Variants in CFAP46 observed in about 807,000 individuals in gnomAD.
CFAP46 encodes cilia and flagella associated protein 46, also known as cilia- and flagella-associated protein 46.
In CFAP46, 245 loss-of-function variants were observed where a neutral mutation model predicts 325.7. The ratio of observed to expected loss-of-function variants is 0.75; its 90% CI spans 0.68 to 0.84. The LOEUF is 0.84. CFAP46 is among the 40% of genes least tolerant of loss of function. The pLI is 0.00. For synonymous variants in CFAP46, 1,523 were observed against 1,495.9 expected (o/e 1.02, Z -0.42); for missense variants, 3,346 against 3,543.0 (o/e 0.94, Z 1.41).
At chr10:132,923,195 A>T (rs1412646377) in intron 11 of CFAP46, among the ~76,000 whole-genome samples, 2 of 150,678 alleles carry the variant, frequency 1.3e-5, no homozygotes, top group African/African-American at 4.9e-5. Context: ...CCTGGCCTCA[A>T]GCAGCCATGT....
At chr10:132,933,347 T>A in intron 8 of CFAP46, among the ~76,000 whole-genome samples, 1 of 152,176 alleles carries the variant, frequency 6.6e-6, no homozygotes, top group East Asian at 1.9e-4. Context: ...TAAAAGTGCC[T>A]GAGAATGCCG....
chr10:132,942,373 G>T, intron 1 of CFAP46, 63 bp downstream of exon 1: 1 of 1,341,534 alleles, frequency 7.5e-7, no homozygotes, highest in Non-Finnish European at 9.6e-7. Context: ...CCTCCCCGGG[G>T]CGGGGGTCGT....
intron 39 of CFAP46, among the ~76,000 whole-genome samples, chr10:132,853,688 T>G (rs749577811): frequency 2.0e-5 from 3 of 151,746 alleles, no homozygotes; most frequent in Non-Finnish European, 4.4e-5. Context: ...AATTAAAAAT[T>G]TAAAATATAT....
At position 132,866,174 on chromosome 10, in the gene CFAP46, G is replaced by T; in HGVS notation, c.4744-3C>A. The T allele has an allele frequency of 6.6e-7, 1 of 1,517,376 alleles. No homozygotes were observed. Among genetic ancestry groups the T allele is most frequent in the South Asian group, 1.3e-5 (1 of 78,682 alleles). The allele number at this position is 1,517,376 out of a possible 1,614,324, so 94.0% of individuals were successfully genotyped here. A position where few individuals can be genotyped will look rare whatever the true frequency, so the allele number is the denominator to read the frequency against. On this transcript the variant is annotated splice_region_variant and splice_polypyrimidine_tract_variant and intron_variant, in intron 34 of 57. Coordinates refer to ENST00000368586, the MANE Select transcript of CFAP46 (RefSeq NM_001200049.3). ...GTCTCCCCATTCATCTTCAAAATCT[G>T]TAAGATACCGCAGCCCCAGGCGGCA...
At chr10:132,855,654 T>C (rs1004886306) in intron 39 of CFAP46, among the ~76,000 whole-genome samples, 7 of 152,228 alleles carry the variant, frequency 4.6e-5, no homozygotes, top group African/African-American at 1.7e-4. Context: ...TTTCCATTTA[T>C]CTCCTTTCTT....
At chr10:132,901,669 G>A (rs1283331038) in intron 22 of CFAP46, among the ~76,000 whole-genome samples, 1 of 152,186 alleles carries the variant, frequency 6.6e-6, no homozygotes, top group South Asian at 2.1e-4. Flanking sequence ...GTTTCTTGAA[G>A]AATTTAAGAA....
intron 13 of CFAP46, 137 bp from the exon 14 acceptor site, chr10:132,920,319 G>A: frequency 1.8e-6 from 2 of 1,107,452 alleles, no homozygotes; most frequent in Non-Finnish European, 2.5e-6. Flanking sequence ...TAGATCCCCG[G>A]CTCCCAGAAG....
Position 132,847,718 on chromosome 10 carries a change from G to A in CFAP46, c.5953-397C>T, listed in dbSNP as rs941028790. 2.0e-5 allele frequency among the ~76,000 whole-genome samples: 3 copies of A among 152,236 alleles called. No homozygotes were observed. Among genetic ancestry groups the A allele is most frequent in the East Asian group, 1.9e-4 (1 of 5,168 alleles). ...GCTGAGGCATCCACCAGCCCTCAGGGGCCCCTGATCTGGCTGAGACACAAG... is the reference window on the plus strand; with the variant it reads ...GCTGAGGCATCCACCAGCCCTCAGGAGCCCCTGATCTGGCTGAGACACAAG... On this transcript the variant is annotated intron_variant, in intron 41 of 57. Transcript: ENST00000368586. The surrounding 1 kb of genome is among the most constrained non-coding windows in gnomAD (Gnocchi z 5.2).
At chr10:132,932,868 T>G (rs936673953) in intron 8 of CFAP46, among the ~76,000 whole-genome samples, 1 of 152,240 alleles carries the variant, frequency 6.6e-6, no homozygotes. Context: ...ATCACGCTCC[T>G]CCGGTGGAGA....
At chr10:132,892,238 G>T in intron 25 of CFAP46, 95 bp downstream of exon 25, 1 of 1,183,296 alleles carries the variant, frequency 8.5e-7, no homozygotes, top group Non-Finnish European at 1.2e-6. Flanking sequence ...TCACGTCAGG[G>T]CATGGGAATT....
At chr10:132,890,672 T>C (rs557906298) in intron 25 of CFAP46, among the ~76,000 whole-genome samples, 3 of 152,044 alleles carry the variant, frequency 2.0e-5, no homozygotes, top group Non-Finnish European at 4.4e-5. Flanking sequence ...GGTCTGAGGC[T>C]GTATCCCCAT....
chr10:132,861,736 G>A (rs1240267430), intron 35 of CFAP46, among the ~76,000 whole-genome samples: 1 of 152,240 alleles, frequency 6.6e-6, no homozygotes, highest in Non-Finnish European at 1.5e-5. Flanking sequence ...GGTGTCTTCT[G>A]CAGTGGAAAG....
At chr10:132,931,496 C>A (rs1327943829) in intron 8 of CFAP46, among the ~76,000 whole-genome samples, 3 of 146,018 alleles carry the variant, frequency 2.1e-5, no homozygotes, top group Non-Finnish European at 3.0e-5. Context: ...CCTCTCTACA[C>A]AGAGCCTGGG....
chr10:132,923,143 A>T (rs577061859), intron 11 of CFAP46, among the ~76,000 whole-genome samples: 1 of 151,970 alleles, frequency 6.6e-6, no homozygotes, highest in Admixed American at 6.5e-5. Flanking sequence ...GGTTCCCTGG[A>T]CCCCCTGGCC....
At chr10:132,868,851 C>T (rs1313140253) in intron 33 of CFAP46, among the ~76,000 whole-genome samples, 8 of 152,240 alleles carry the variant, frequency 5.3e-5, no homozygotes, top group East Asian at 3.8e-4. Flanking sequence ...GCTACACTAA[C>T]GAGAGTTAGT....
intron 49 of CFAP46, 96 bp downstream of exon 49, chr10:132,833,945 C>T: frequency 8.8e-7 from 1 of 1,139,890 alleles, no homozygotes; most frequent in South Asian, 1.3e-5. Flanking sequence ...GTTCCTGACC[C>T]CCCCTGGCGT....
chr10:132,817,711 C>T lies in CFAP46; in HGVS notation c.7118-2797G>A, dbSNP rs568025410. Among the ~76,000 whole-genome samples, 101 of 152,334 alleles carry T rather than the reference C, an allele frequency of 6.6e-4. 1 individual carries two copies. The highest frequency in any genetic ancestry group is 2.1e-3 in the African/African-American group (88 of 41,578). ...GAGGACACTCAAGGCTCTAGATCAC[C>T]GGCAGCCCGGCTTTCAGTGACTCTG... is the stretch of plus-strand genomic sequence containing the variant. On this transcript the variant is annotated intron_variant, in intron 50 of 57. Transcript: ENST00000368586. The surrounding 1 kb of genome is among the most constrained non-coding windows in gnomAD (Gnocchi z 4.4).
intron 8 of CFAP46, among the ~76,000 whole-genome samples, chr10:132,933,419 C>T (rs575059860): frequency 6.6e-6 from 1 of 152,268 alleles, no homozygotes; most frequent in Non-Finnish European, 1.5e-5. Context: ...CGTCGGAGCG[C>T]CTGGCCACAG....
chr10:132,814,155 G>A lies in CFAP46; in HGVS notation c.7385C>T (p.Pro2462Leu). 2 of 1,613,528 alleles carry A rather than the reference G, an allele frequency of 1.2e-6. No homozygotes were observed. The highest frequency in any genetic ancestry group is 1.7e-6 in the Non-Finnish European group (2 of 1,179,750). ...TCCTGGGAGCCCAGATCCGAACCTGGGAAAGTGCTTGCTTCCCAGATGTCC... is the reference window on the plus strand; with the variant it reads ...TCCTGGGAGCCCAGATCCGAACCTGAGAAAGTGCTTGCTTCCCAGATGTCC... Reference protein sequence around the residue: ...WAGHLGSKHFPSQAQWEQALG... With the variant: ...WAGHLGSKHFLSQAQWEQALG... Residue 2462 changes from proline to leucine, a missense_variant, in exon 54 of 58, where the codon CCC becomes CTC. Pro to Leu is a moderately conservative substitution (Grantham distance 98). Transcript: ENST00000368586.
Sources: gnomAD v4.1 joint callset for allele counts (sites outside exome capture counted in the v4.1 genomes callset) on GRCh38, gnomAD v4.1.1 for gene constraint, Gnocchi (gnomAD v3.1) non-coding constraint, MANE v1.5 for transcripts, NCBI Gene and HGNC (gene_info 2026-07-23, HGNC 2026-07-21) for gene names.